The following CLVS1 variants were observed in gnomAD, a reference collection of about 807,000 sequenced individuals.
CLVS1 encodes clavesin 1.
In CLVS1, 10 loss-of-function variants were observed where a neutral mutation model predicts 33.1. That is an observed-to-expected ratio of 0.30 (90% CI 0.19 to 0.51). The LOEUF is 0.51. Among genes scored for constraint, CLVS1 ranks in the 20% least tolerant of loss-of-function variants. CLVS1 has a pLI of 0.97. For missense variants in CLVS1, 343 were observed against 433.4 expected, an observed-to-expected ratio of 0.79 and a Z score of 1.85; for synonymous variants, 163 against 166.1, an observed-to-expected ratio of 0.98 and a Z score of 0.14.
chr8:61,206,784 T>C (rs1046107938), intron 2 of CLVS1, among the ~76,000 whole-genome samples: 5 of 152,142 alleles, frequency 3.3e-5, no homozygotes, highest in Non-Finnish European at 7.4e-5. Context: ...AGAAGGGGTT[T>C]CACCTTGTTA....
At chr8:61,150,661 A>G (rs553347042) in intron 2 of CLVS1, among the ~76,000 whole-genome samples, 1 of 152,256 alleles carries the variant, frequency 6.6e-6, no homozygotes, top group East Asian at 1.9e-4. Context: ...GTGTCAAGGA[A>G]TCCCAGCTGG....
intron 2 of CLVS1, among the ~76,000 whole-genome samples, chr8:61,317,091 A>G (rs542711291): frequency 6.6e-6 from 1 of 152,278 alleles, no homozygotes; most frequent in East Asian, 1.9e-4. Context: ...CTTGTGTGCT[A>G]CTATAACAAA....
At chr8:61,253,882 G>A (rs1054646028) in intron 2 of CLVS1, among the ~76,000 whole-genome samples, 2 of 152,096 alleles carry the variant, frequency 1.3e-5, no homozygotes, top group Non-Finnish European at 2.9e-5. Context: ...TCTTTAGCTC[G>A]GAGTAGTTTG....
intron 1 of CLVS1, among the ~76,000 whole-genome samples, chr8:61,066,687 G>A: frequency 6.6e-6 from 1 of 152,288 alleles, no homozygotes; most frequent in South Asian, 2.1e-4. Flanking sequence ...TGAAAAACAA[G>A]GGGAAGCAAG....
chr8:61,086,458 C>T (rs1174613789), intron 1 of CLVS1, among the ~76,000 whole-genome samples: 2 of 152,176 alleles, frequency 1.3e-5, no homozygotes, highest in African/African-American at 2.4e-5. Flanking sequence ...TTGCAAAGAA[C>T]ATACTTATAC....
At chr8:61,428,831 A>G (rs147906582) in intron 3 of CLVS1, among the ~76,000 whole-genome samples, 34 of 152,330 alleles carry the variant, frequency 2.2e-4, no homozygotes, top group African/African-American at 6.3e-4. Context: ...ACAGATATTG[A>G]TCCACAACTG....
At chr8:61,070,050 C>G (rs1298153178) in intron 1 of CLVS1, among the ~76,000 whole-genome samples, 2 of 152,192 alleles carry the variant, frequency 1.3e-5, no homozygotes, top group Non-Finnish European at 1.5e-5. Flanking sequence ...GCCTCGGCCT[C>G]CAAAAGTGCT....
At chr8:61,305,696 C>T (rs565677974) in intron 2 of CLVS1, among the ~76,000 whole-genome samples, 10 of 151,934 alleles carry the variant, frequency 6.6e-5, no homozygotes, top group Admixed American at 3.3e-4. Context: ...TTTTCTTGGC[C>T]CTCCCTCCTC....
chr8:61,223,374 T>C (rs1055400250), intron 2 of CLVS1, among the ~76,000 whole-genome samples: 1 of 152,192 alleles, frequency 6.6e-6, no homozygotes, highest in East Asian at 1.9e-4. Flanking sequence ...GCAGGCCTGG[T>C]GGTGATGAAA....
chr8:61,496,334 T>C (rs930398215), intron 5 of CLVS1, among the ~76,000 whole-genome samples: 12 of 152,218 alleles, frequency 7.9e-5, no homozygotes, highest in African/African-American at 2.4e-4. Context: ...GGAAGGCAGC[T>C]GTCCAAGGTG....
upstream of CLVS1, among the ~76,000 whole-genome samples, chr8:61,052,894 G>A (rs1370085086): frequency 6.6e-6 from 1 of 152,188 alleles, no homozygotes; most frequent in African/African-American, 2.4e-5. Flanking sequence ...GCCTGGCTGG[G>A]AGGCGGCTGT....
chr8:61,105,669 C>T (rs1426733853), intron 1 of CLVS1, among the ~76,000 whole-genome samples: 1 of 152,112 alleles, frequency 6.6e-6, no homozygotes, highest in Non-Finnish European at 1.5e-5. Context: ...AAATTAATTT[C>T]AAGGCATGTA....
At chr8:61,067,001 C>T (rs1329676510) in intron 1 of CLVS1, among the ~76,000 whole-genome samples, 2 of 152,044 alleles carry the variant, frequency 1.3e-5, no homozygotes, top group Middle Eastern at 3.4e-3. Context: ...GCTGTGTGCA[C>T]AGTCCTGAGT....
the CLVS1 span, among the ~76,000 whole-genome samples, chr8:61,016,395 G>A: frequency 6.6e-6 from 1 of 152,226 alleles, no homozygotes; most frequent in Non-Finnish European, 1.5e-5. Context: ...CCACTCTTAA[G>A]AGGTTTATCT....
At chr8:61,042,127 AG>A in the CLVS1 span, among the ~76,000 whole-genome samples, 1 of 152,200 alleles carries the variant, frequency 6.6e-6, no homozygotes, top group African/African-American at 2.4e-5. Context: ...AACCTTAAGG[AG>A]GCAATTCAAA....
rs11991991 is a variant in CLVS1 at position 61,290,179 on chromosome 8, C to T, written c.-152+2041C>T. 3.5e-3 allele frequency among the ~76,000 whole-genome samples: 531 copies of T among 152,268 alleles called. 2 individuals are homozygous for T. The highest frequency in any genetic ancestry group is 0.012 in the African/African-American group (505 of 41,550). On this transcript the variant is annotated intron_variant, in intron 1 of 5. Transcript: ENST00000325897. ...CAGTGCCTCTAGAGCTTCTGTCTTC[C>T]TCTGCTTAATACAATCTCCTGGGGC...
chr8:61,008,367 A>C, the CLVS1 span, among the ~76,000 whole-genome samples: 1 of 152,298 alleles, frequency 6.6e-6, no homozygotes, highest in South Asian at 2.1e-4. Context: ...CCCCACTGTT[A>C]GAAAATTTTT....
At chr8:61,471,206 T>C (rs557757672) in intron 5 of CLVS1, among the ~76,000 whole-genome samples, 1 of 152,324 alleles carries the variant, frequency 6.6e-6, no homozygotes, top group South Asian at 2.1e-4. Flanking sequence ...CTTCCTTGAC[T>C]ACAGAGTGGA....
chr8:61,108,720 G>A (rs917507852), intron 1 of CLVS1, among the ~76,000 whole-genome samples: 1 of 152,104 alleles, frequency 6.6e-6, no homozygotes, highest in Non-Finnish European at 1.5e-5. Flanking sequence ...CTCACTCAAA[G>A]TTTCACTCAT....
Sources: allele counts gnomAD v4.1 joint callset (sites outside exome capture counted in the v4.1 genomes callset), GRCh38; gene constraint gnomAD v4.1.1; transcripts MANE v1.5; gene names NCBI Gene and HGNC (gene_info 2026-07-23, HGNC 2026-07-21).